Variants in BMPER observed in about 807,000 individuals in gnomAD.
BMPER encodes the protein BMP binding endothelial regulator, also known as BMP-binding endothelial regulator protein.
A neutral mutation model predicts 87.3 loss-of-function variants in BMPER; 45 were observed. The ratio of observed to expected loss-of-function variants is 0.52; its 90% CI spans 0.41 to 0.66. The LOEUF is 0.66. Ranked by LOEUF, BMPER falls within the 30% of genes least tolerant of loss-of-function variation. The pLI, the probability that BMPER is intolerant of heterozygous loss-of-function variation, is 0.00. For missense variants in BMPER, 784 were observed against 867.5 expected, an observed-to-expected ratio of 0.90 and a Z score of 1.21; for synonymous variants, 326 against 316.2, an observed-to-expected ratio of 1.03 and a Z score of -0.33.
intron 11 of BMPER, among the ~76,000 whole-genome samples, chr7:34,076,173 C>T (rs977601614): frequency 2.0e-5 from 3 of 152,182 alleles, no homozygotes; most frequent in South Asian, 2.1e-4. Context: ...CATTGCTTCC[C>T]GCCCAGCTAT....
At chr7:34,125,904 A>G (rs1250868696) in intron 13 of BMPER, among the ~76,000 whole-genome samples, 5 of 152,202 alleles carry the variant, frequency 3.3e-5, no homozygotes, top group African/African-American at 1.2e-4. Flanking sequence ...AATGTATCCA[A>G]TTAATGGGAG....
At chr7:34,137,459 C>T (rs1448791151) in intron 13 of BMPER, among the ~76,000 whole-genome samples, 1 of 152,250 alleles carries the variant, frequency 6.6e-6, no homozygotes, top group Admixed American at 6.5e-5. Flanking sequence ...GAATGATTCA[C>T]TGAATATTTA....
intron 6 of BMPER, among the ~76,000 whole-genome samples, chr7:33,979,918 C>G (rs1785806597): frequency 6.6e-6 from 1 of 152,236 alleles, no homozygotes; most frequent in South Asian, 2.1e-4. Context: ...AGACACTCGT[C>G]TTATGGAGAT....
intron 13 of BMPER, among the ~76,000 whole-genome samples, chr7:34,122,419 T>C (rs552161338): frequency 3.9e-5 from 6 of 152,226 alleles, no homozygotes; most frequent in Non-Finnish European, 8.8e-5. Context: ...AGGTTTTAGG[T>C]AGGGCTGAGG....
intron 6 of BMPER, among the ~76,000 whole-genome samples, chr7:34,003,174 T>C (rs1194756607): frequency 6.6e-6 from 1 of 151,758 alleles, no homozygotes; most frequent in Non-Finnish European, 1.5e-5. Context: ...CTAGTATAAA[T>C]GTGTGTACAC....
chr7:34,050,091 G>A (rs949565405), intron 7 of BMPER, among the ~76,000 whole-genome samples: 2 of 152,152 alleles, frequency 1.3e-5, no homozygotes, highest in Admixed American at 1.3e-4. Context: ...TTATTTTGCA[G>A]ATAATCCTTT....
chr7:33,922,662 A>T (rs1162870091), intron 2 of BMPER, among the ~76,000 whole-genome samples: 3 of 152,178 alleles, frequency 2.0e-5, no homozygotes, highest in African/African-American at 4.8e-5. Context: ...GACACCCCTC[A>T]GTGTGCCACA....
intron 2 of BMPER, among the ~76,000 whole-genome samples, chr7:33,928,108 C>T (rs1467895878): frequency 6.6e-6 from 1 of 152,094 alleles, no homozygotes; most frequent in Non-Finnish European, 1.5e-5. Flanking sequence ...CTCTGCCGCA[C>T]CGACCCCATC....
At chr7:34,111,963 C>T (rs6975758) in intron 13 of BMPER, among the ~76,000 whole-genome samples, 113,847 of 151,950 alleles carry the variant, frequency 0.75, 43,525 homozygotes, top group East Asian at 0.95. Flanking sequence ...CCGCCTGCCT[C>T]GGCCTCCCAA....
chr7:33,994,693 G>T (rs1436199100), intron 6 of BMPER, among the ~76,000 whole-genome samples: 1 of 152,164 alleles, frequency 6.6e-6, no homozygotes. Flanking sequence ...ATTGACTTTA[G>T]GGCGTGATGA....
At chr7:34,151,585 A>C (rs1791177698) in intron 14 of BMPER, among the ~76,000 whole-genome samples, 1 of 152,164 alleles carries the variant, frequency 6.6e-6, no homozygotes, top group South Asian at 2.1e-4. Flanking sequence ...AATATAAGTG[A>C]CTAGTAATTA....
In BMPER at chr7:34,116,398, A is replaced by T. The variant is rs138077465; in HGVS notation, c.1746-26832A>T. ...TCTGCCTTATTCAGCTTATTGACTCATTCCCATATTTACAGAGAAAGAAAC... is the reference window on the plus strand; with the variant it reads ...TCTGCCTTATTCAGCTTATTGACTCTTTCCCATATTTACAGAGAAAGAAAC... On this transcript the variant is annotated intron_variant, in intron 13 of 14. Coordinates refer to ENST00000649409, the MANE Select transcript of BMPER (RefSeq NM_001365308.1). Among the ~76,000 whole-genome samples, 190 of 152,232 alleles carry T rather than the reference A, an allele frequency of 1.2e-3. 1 individual carries two copies. Among genetic ancestry groups the T allele is most frequent in the African/African-American group, 4.3e-3 (179 of 41,550 alleles).
At chr7:34,049,786 G>T (rs74461886) in intron 7 of BMPER, among the ~76,000 whole-genome samples, 2 of 152,192 alleles carry the variant, frequency 1.3e-5, no homozygotes, top group East Asian at 3.9e-4. Flanking sequence ...CTGAAGCAGA[G>T]ATATTTTAGA....
intron 13 of BMPER, among the ~76,000 whole-genome samples, chr7:34,129,674 A>AAGAAAGAAAGAAAGAAAGAG (rs1210913587): frequency 4.0e-5 from 6 of 151,768 alleles, no homozygotes; most frequent in Non-Finnish European, 1.5e-5. Context: ...GAAAGAAAGA[A>AAGAAAGAAAGAAAGAAAGAG]AGAAAGAAAA....
At chr7:34,057,831 AACACACACAC>A (rs113240345) in intron 9 of BMPER, among the ~76,000 whole-genome samples, 4 of 148,894 alleles carry the variant, frequency 2.7e-5, no homozygotes, top group Admixed American at 6.7e-5. Flanking sequence ...CAGGAGGGGG[AACACACACAC>A]ACACACACAC....
intron 12 of BMPER, among the ~76,000 whole-genome samples, chr7:34,080,883 A>G (rs927674895): frequency 2.0e-5 from 3 of 151,530 alleles, no homozygotes; most frequent in Admixed American, 2.0e-4. Flanking sequence ...CAAAGATTCC[A>G]TGTTATAAAA....
chr7:34,061,118 A>AT (rs145637342), intron 10 of BMPER, among the ~76,000 whole-genome samples: 4,103 of 152,356 alleles, frequency 0.027, 81 homozygotes, highest in Non-Finnish European at 0.045. Context: ...TTAATAGGTC[A>AT]TAAGTATTAA....
intron 10 of BMPER, among the ~76,000 whole-genome samples, chr7:34,059,569 C>T (rs546396464): frequency 8.0e-5 from 12 of 149,946 alleles, no homozygotes; most frequent in African/African-American, 1.5e-4. Flanking sequence ...GCCAAGGCCC[C>T]GGCCTCAGGG....
At chr7:34,055,561 A>C (rs1312318419) in intron 9 of BMPER, among the ~76,000 whole-genome samples, 1 of 152,212 alleles carries the variant, frequency 6.6e-6, no homozygotes, top group East Asian at 1.9e-4. Context: ...AAATATGTTA[A>C]GCCTGTAAAA....
Sources: gnomAD v4.1 joint callset for allele counts (sites outside exome capture counted in the v4.1 genomes callset) on GRCh38, gnomAD v4.1.1 for gene constraint, MANE v1.5 for transcripts, NCBI Gene and HGNC (gene_info 2026-07-23, HGNC 2026-07-21) for gene names.